TASP1: variants seen among roughly 807,000 people sequenced by gnomAD.
TASP1 encodes taspase 1.
Under a neutral mutation model 56.6 loss-of-function variants are expected in TASP1, and 16 were observed. That is an observed-to-expected ratio of 0.28 (90% CI 0.19 to 0.43). TASP1 has a LOEUF of 0.43. TASP1 is among the 20% of genes least tolerant of loss of function. The pLI is 1.00. For missense variants in TASP1, 393 were observed against 511.6 expected, an observed-to-expected ratio of 0.77 and a Z score of 2.24; for synonymous variants, 179 against 184.2, an observed-to-expected ratio of 0.97 and a Z score of 0.23.
At chr20:13,400,851 A>C (rs2041711245) in intron 13 of TASP1, among the ~76,000 whole-genome samples, 1 of 152,252 alleles carries the variant, frequency 6.6e-6, no homozygotes, top group Non-Finnish European at 1.5e-5. Context: ...AACTATCACA[A>C]ACAAATTCTA....
At chr20:13,131,001 C>T in the TASP1 span, among the ~76,000 whole-genome samples, 29 of 152,096 alleles carry the variant, frequency 1.9e-4, no homozygotes, top group African/African-American at 5.8e-4. Context: ...GTTGTGGCAG[C>T]GGAAGGGATC....
chr20:13,514,278 A>G (rs1318559108), intron 10 of TASP1, among the ~76,000 whole-genome samples: 1 of 152,164 alleles, frequency 6.6e-6, no homozygotes, highest in East Asian at 1.9e-4. Flanking sequence ...ATAATTTACT[A>G]GGAAATTTTG....
chr20:13,294,247 GA>G, the TASP1 span, among the ~76,000 whole-genome samples: 1 of 152,148 alleles, frequency 6.6e-6, no homozygotes, highest in African/African-American at 2.4e-5. Flanking sequence ...AAATGTCTAT[GA>G]GCCAAATTGG....
At chr20:13,323,090 C>T in the TASP1 span, among the ~76,000 whole-genome samples, 3 of 151,822 alleles carry the variant, frequency 2.0e-5, no homozygotes, top group East Asian at 1.9e-4. Context: ...CACAGCGTCT[C>T]GGAGGAAAAA....
chr20:13,534,217 C>T, intron 8 of TASP1, 76 bp from the exon 9 acceptor site: 2 of 1,528,844 alleles, frequency 1.3e-6, no homozygotes, highest in Non-Finnish European at 1.8e-6. Flanking sequence ...AGCACTTTTC[C>T]ATACAATCAT....
At chr20:13,157,195 T>C in the TASP1 span, among the ~76,000 whole-genome samples, 1 of 151,290 alleles carries the variant, frequency 6.6e-6, no homozygotes, top group African/African-American at 2.4e-5. Flanking sequence ...CCCAACACTT[T>C]AGGAGGCTGA....
At chr20:13,558,962 T>G (rs943526683) in intron 8 of TASP1, 46 bp downstream of exon 8, 3 of 1,215,144 alleles carry the variant, frequency 2.5e-6, no homozygotes, top group Non-Finnish European at 3.5e-6. Flanking sequence ...ATGCAGAAGA[T>G]ATATCATCTG....
chr20:13,387,629 T>C (rs1035822546), downstream of TASP1, among the ~76,000 whole-genome samples: 1 of 152,260 alleles, frequency 6.6e-6, no homozygotes, highest in Non-Finnish European at 1.5e-5. Context: ...AACATATGCA[T>C]GCATGTGTCT....
the TASP1 span, among the ~76,000 whole-genome samples, chr20:13,327,651 C>T: frequency 0.12 from 17,831 of 152,024 alleles, 1,208 homozygotes; most frequent in Admixed American, 0.18. Flanking sequence ...GAAATAAGAC[C>T]GCACACCTAC....
chr20:13,246,995 G>T, the TASP1 span, among the ~76,000 whole-genome samples: 1 of 152,106 alleles, frequency 6.6e-6, no homozygotes, highest in Non-Finnish European at 1.5e-5. Flanking sequence ...CAGCACTTTG[G>T]GAGGCTGAGG....
chr20:13,476,275 G>A (rs760670011), intron 11 of TASP1, among the ~76,000 whole-genome samples: 10 of 152,016 alleles, frequency 6.6e-5, no homozygotes, highest in African/African-American at 1.9e-4. Flanking sequence ...AGATTTCTTT[G>A]AGATCTGAGC....
At chr20:13,371,791 C>A in the TASP1 span, among the ~76,000 whole-genome samples, 1 of 152,106 alleles carries the variant, frequency 6.6e-6, no homozygotes, top group Non-Finnish European at 1.5e-5. Context: ...TTTTTCCCCT[C>A]GATCATGTCA....
At chr20:13,117,532 C>T in the TASP1 span, 9 of 1,605,728 alleles carry the variant, frequency 5.6e-6, no homozygotes, top group South Asian at 8.9e-5. Context: ...GTGCATCTGC[C>T]CCAGATCATA....
the TASP1 span, among the ~76,000 whole-genome samples, chr20:13,159,201 C>T: frequency 6.6e-6 from 1 of 152,210 alleles, no homozygotes; most frequent in Non-Finnish European, 1.5e-5. Flanking sequence ...GGGAAGGAAT[C>T]ATAGCTTATG....
chr20:13,237,367 G>T, the TASP1 span, among the ~76,000 whole-genome samples: 3 of 152,180 alleles, frequency 2.0e-5, no homozygotes, highest in African/African-American at 7.2e-5. Context: ...TGGATAATAA[G>T]GTAGTTAAGT....
chr20:13,299,066 G>C, the TASP1 span: 6 of 1,613,670 alleles, frequency 3.7e-6, no homozygotes, highest in Non-Finnish European at 5.1e-6. The surrounding 1 kb of genome is among the most constrained non-coding windows in gnomAD (Gnocchi z 5.8). Context: ...CCTACAGCAC[G>C]GCCGACATCT....
intron 10 of TASP1, among the ~76,000 whole-genome samples, chr20:13,527,275 C>T (rs192407146): frequency 6.6e-6 from 1 of 152,068 alleles, no homozygotes. Context: ...GAAAGCAGGA[C>T]AAGAGGGCTA....
intron 11 of TASP1, among the ~76,000 whole-genome samples, chr20:13,465,370 C>T (rs921335564): frequency 1.3e-5 from 2 of 151,888 alleles, no homozygotes; most frequent in African/African-American, 4.8e-5. Flanking sequence ...AACTGAATCA[C>T]TCGTACCTTG....
At chr20:13,589,600 G>A (rs2047446129) in intron 4 of TASP1, among the ~76,000 whole-genome samples, 2 of 151,984 alleles carry the variant, frequency 1.3e-5, no homozygotes, top group African/African-American at 4.8e-5. Context: ...AAAAAACTAG[G>A]TAAATAGGAC....
Sources: gnomAD v4.1 joint callset for allele counts (sites outside exome capture counted in the v4.1 genomes callset) on GRCh38, gnomAD v4.1.1 for gene constraint, Gnocchi (gnomAD v3.1) non-coding constraint, MANE v1.5 for transcripts, NCBI Gene and HGNC (gene_info 2026-07-23, HGNC 2026-07-21) for gene names.